Variants in STK31 observed in about 807,000 individuals in gnomAD.
STK31 encodes the protein serine/threonine kinase 31.
STK31 carries 89 observed loss-of-function variants against 129.7 expected under a neutral mutation model. The observed-to-expected ratio is 0.69, with a 90% CI of 0.58 to 0.82. The LOEUF (loss-of-function observed/expected upper bound fraction) is 0.82, where lower values mean the gene tolerates loss of function less well. Among genes scored for constraint, STK31 ranks in the 40% least tolerant of loss-of-function variants. The pLI is 0.00. For synonymous variants in STK31, 448 were observed against 395.3 expected (o/e 1.13, Z -1.58); for missense variants, 1,187 against 1,176.4 (o/e 1.01, Z -0.13).
chr7:23,779,748 G>C (rs1790793199), intron 15 of STK31, among the ~76,000 whole-genome samples: 1 of 152,234 alleles, frequency 6.6e-6, no homozygotes, highest in South Asian at 2.1e-4. Context: ...AGAATTTCAA[G>C]CTAGTGGATC....
chr7:23,813,078 CTT>C (rs70956924), intron 22 of STK31, among the ~76,000 whole-genome samples: 1 of 94,112 alleles, frequency 1.1e-5, no homozygotes, highest in African/African-American at 4.2e-5. Flanking sequence ...GCTCTCTGTT[CTT>C]TTTTTTTTTT....
intron 3 of STK31, among the ~76,000 whole-genome samples, chr7:23,716,362 C>G (rs1293118245): frequency 6.6e-6 from 1 of 152,072 alleles, no homozygotes; most frequent in Non-Finnish European, 1.5e-5. Flanking sequence ...TGATGATAAC[C>G]TTGATTCACT....
intron 10 of STK31, among the ~76,000 whole-genome samples, chr7:23,757,946 A>T (rs568475829): frequency 6.6e-6 from 1 of 152,298 alleles, no homozygotes; most frequent in African/African-American, 2.4e-5. Context: ...TAACAAGCAT[A>T]CTGCCTTCAA....
At chr7:23,712,060 T>C in intron 1 of STK31, 39 bp from the exon 2 acceptor site, 2 of 1,501,880 alleles carry the variant, frequency 1.3e-6, no homozygotes, top group Non-Finnish European at 1.8e-6. Context: ...TCATTATTAA[T>C]GGTGGATTAT....
chr7:23,814,746 GT>G (rs59089517), intron 22 of STK31, among the ~76,000 whole-genome samples: 4 of 151,282 alleles, frequency 2.6e-5, no homozygotes, highest in African/African-American at 9.7e-5. Flanking sequence ...GATTTCTGAA[GT>G]TTTTTTTTAA....
chr7:23,811,588 T>G lies in STK31; in HGVS notation c.2761-3556T>G, dbSNP rs13244529. On this transcript the variant is annotated intron_variant, in intron 22 of 23. Transcript: ENST00000355870. ...TCTCCCCCTCCAGGCACAGCCTGTT[T>G]GCAGTATCTCAGATCTTGTAATTGT... The G allele has an allele frequency of 7.5e-3, 1,419 of 188,904 alleles. 6 individuals are homozygous for G. The highest frequency in any genetic ancestry group is 9.8e-3 in the Non-Finnish European group (863 of 87,838). The allele number at this position is 188,904 out of a possible 1,614,324, so 11.7% of individuals were successfully genotyped here.
chr7:23,793,831 A>G (rs1250738765), intron 22 of STK31, among the ~76,000 whole-genome samples: 1 of 152,240 alleles, frequency 6.6e-6, no homozygotes, highest in Non-Finnish European at 1.5e-5. Context: ...CAGTTTGTTA[A>G]AAGGTTGAAC....
chr7:23,811,230 C>A, intron 22 of STK31: 1 of 299,992 alleles, frequency 3.3e-6, no homozygotes. Flanking sequence ...GCAACTGTGC[C>A]ATCTAGATTG....
At chr7:23,826,322 T>C (rs1794147576) in intron 23 of STK31, among the ~76,000 whole-genome samples, 1 of 152,216 alleles carries the variant, frequency 6.6e-6, no homozygotes, top group Non-Finnish European at 1.5e-5. Context: ...TTAGTTCTTC[T>C]TGTTGAATTG....
chr7:23,730,872 A>ATTTT (rs1455690740), intron 6 of STK31, among the ~76,000 whole-genome samples: 7 of 56,116 alleles, frequency 1.2e-4, no homozygotes, highest in Non-Finnish European at 2.2e-4. Context: ...ATATATATAT[A>ATTTT]TATATATTTT....
chr7:23,825,248 A>G lies in STK31; in HGVS notation c.2830-6888A>G, dbSNP rs1404316924. Among the ~76,000 whole-genome samples the G allele has an allele frequency of 2.6e-5, 4 of 152,162 alleles. 1 individual carries two copies. The highest frequency in any genetic ancestry group is 6.8e-3 in the Middle Eastern group (2 of 294). ...GGTCCTGGACTTTTTTTGGTTGGTA[A>G]GCTGTTAATTATTGCCTCAATTTCA... is the stretch of plus-strand genomic sequence containing the variant. On this transcript the variant is annotated intron_variant, in intron 23 of 23. Coordinates refer to ENST00000355870, the MANE Select transcript of STK31 (RefSeq NM_031414.5).
chr7:23,772,431 TATAA>T (rs1350083764), intron 15 of STK31, among the ~76,000 whole-genome samples, 153 bp downstream of exon 15: 3 of 152,202 alleles, frequency 2.0e-5, no homozygotes, highest in Non-Finnish European at 4.4e-5. Flanking sequence ...TTTCTGTGTA[TATAA>T]ATAAAATTGA....
Position 23,822,936 on chromosome 7 carries a change from T to C in STK31, c.2829+7724T>C, listed in dbSNP as rs550324507. ...ACAAAGGACATGAACTCATCCTTTTTTATGGCTGCATAGTATTCCATGGTG... is the reference window on the plus strand; with the variant it reads ...ACAAAGGACATGAACTCATCCTTTTCTATGGCTGCATAGTATTCCATGGTG... On this transcript the variant is annotated intron_variant, in intron 23 of 23. Transcript: ENST00000355870. Among the ~76,000 whole-genome samples the C allele has an allele frequency of 2.6e-3, 399 of 152,330 alleles. 2 individuals carry two copies. Among genetic ancestry groups the C allele is most frequent in the African/African-American group, 9.3e-3 (385 of 41,580 alleles).
chr7:23,770,887 G>T, intron 13 of STK31, 118 bp from the exon 14 acceptor site: 3 of 1,093,516 alleles, frequency 2.7e-6, no homozygotes, highest in South Asian at 1.7e-5. Context: ...GAACTGTTTT[G>T]AAATCACTGC....
At position 23,744,223 on chromosome 7, in the gene STK31, A is replaced by G. The variant is rs527822538; in HGVS notation, c.1017+7145A>G. ...GCGTGAGCCATCATGCCAGGCCTAG[A>G]TCTAGTATATTGTTGAAGCTTTGGA... On this transcript the variant is annotated intron_variant, in intron 8 of 23. Coordinates refer to ENST00000355870, the MANE Select transcript of STK31 (RefSeq NM_031414.5). Among the ~76,000 whole-genome samples the G allele has an allele frequency of 3.3e-5, 5 of 151,418 alleles. No homozygotes were observed. The East Asian group carries it at 9.7e-4, about 29-fold the overall frequency.
At chr7:23,718,891 C>A (rs536772423) in intron 4 of STK31, among the ~76,000 whole-genome samples, 14 of 151,988 alleles carry the variant, frequency 9.2e-5, no homozygotes, top group Non-Finnish European at 1.6e-4. Context: ...GTAGGGTAGA[C>A]ATGTTTCTGC....
rs544108987 is a variant in STK31, at chr7:23,725,333, A to C, written c.250-1908A>C. On this transcript the variant is annotated intron_variant, in intron 4 of 23. Coordinates refer to ENST00000355870, the MANE Select transcript of STK31 (RefSeq NM_031414.5). ...GAGGATTGGTTGAGGCCAGGAGTTC[A>C]AAACCAGTCTTGGGCAACATAGTGA... Among the ~76,000 whole-genome samples the C allele has an allele frequency of 2.7e-5, 4 of 150,268 alleles. No individual in the cohort carries two copies. The South Asian group carries it at 8.5e-4, about 32-fold the overall frequency.
At chr7:23,726,293 G>A (rs949365285) in intron 4 of STK31, 2 of 151,814 alleles carry the variant, frequency 1.3e-5, no homozygotes, top group Non-Finnish European at 2.9e-5. Context: ...ATCTTACAAT[G>A]CACAGGACAG....
chr7:23,787,852 A>AT (rs1480825149), intron 20 of STK31, 128 bp from the exon 21 acceptor site: 1 of 844,172 alleles, frequency 1.2e-6, no homozygotes, highest in Admixed American at 3.2e-5. Context: ...TCTATGCTGT[A>AT]TTCTTATTAA....
Sources: allele counts gnomAD v4.1 joint callset (sites outside exome capture counted in the v4.1 genomes callset), GRCh38; gene constraint gnomAD v4.1.1; transcripts MANE v1.5; gene names NCBI Gene and HGNC (gene_info 2026-07-23, HGNC 2026-07-21).